The following FHOD3 variants were observed in gnomAD, a reference collection of about 807,000 sequenced individuals.
FHOD3 encodes the protein formin homology 2 domain containing 3.
FHOD3 carries 90 observed loss-of-function variants against 173.0 expected under a neutral mutation model. The ratio of observed to expected loss-of-function variants is 0.52; its 90% CI spans 0.44 to 0.62. The LOEUF (loss-of-function observed/expected upper bound fraction) is 0.62, where lower values mean the gene tolerates loss of function less well. Ranked by LOEUF, FHOD3 falls within the 20% of genes least tolerant of loss-of-function variation. The pLI, the probability that FHOD3 is intolerant of heterozygous loss-of-function variation, is 0.00. For missense variants in FHOD3, 1,945 were observed against 2,034.7 expected, an observed-to-expected ratio of 0.96 and a Z score of 0.85; for synonymous variants, 828 against 823.0, an observed-to-expected ratio of 1.01 and a Z score of -0.10.
At chr18:36,592,039 C>T (rs531190071) in intron 6 of FHOD3, among the ~76,000 whole-genome samples, 132 of 152,284 alleles carry the variant, frequency 8.7e-4, no homozygotes, top group African/African-American at 2.9e-3. Context: ...GCCAACATGG[C>T]AAAACACCTT....
intron 19 of FHOD3, among the ~76,000 whole-genome samples, chr18:36,718,973 G>C (rs1402977633): frequency 6.6e-6 from 1 of 152,160 alleles, no homozygotes; most frequent in Non-Finnish European, 1.5e-5. Context: ...AGATAGCCCT[G>C]AGGAAAAGAC....
chr18:36,698,836 T>C (rs561021), intron 17 of FHOD3, among the ~76,000 whole-genome samples: 104,447 of 152,112 alleles, frequency 0.69, 36,127 homozygotes, highest in African/African-American at 0.77. Flanking sequence ...TCCCCAAGCC[T>C]CAGTTCCCAC....
chr18:36,540,832 A>G (rs891481492), intron 5 of FHOD3, among the ~76,000 whole-genome samples: 15 of 152,178 alleles, frequency 9.9e-5, no homozygotes, highest in South Asian at 4.1e-4. Flanking sequence ...TCCCATTCAT[A>G]CTTACATTAG....
chr18:36,734,350 C>A (rs958738963), intron 20 of FHOD3, among the ~76,000 whole-genome samples: 1 of 152,200 alleles, frequency 6.6e-6, no homozygotes, highest in Non-Finnish European at 1.5e-5. Flanking sequence ...CATCCCTGGC[C>A]TCTACCCATT....
chr18:36,624,245 A>T (rs939340783), intron 9 of FHOD3, among the ~76,000 whole-genome samples: 5 of 152,176 alleles, frequency 3.3e-5, no homozygotes, highest in African/African-American at 1.2e-4. Flanking sequence ...TGCTTTACAC[A>T]AGTTACCTTT....
chr18:36,544,216 G>A lies in FHOD3; in HGVS notation c.511+31673G>A, dbSNP rs1006665311. 4.6e-5 allele frequency among the ~76,000 whole-genome samples: 7 copies of A among 152,308 alleles called. 1 individual carries two copies. Among genetic ancestry groups the A allele is most frequent in the Admixed American group, 4.6e-4 (7 of 15,306 alleles). On this transcript the variant is annotated intron_variant, in intron 5 of 28. Coordinates refer to ENST00000590592, the MANE Select transcript of FHOD3 (RefSeq NM_001281740.3). ...GGGCAGACTGCCTGGCAGGAGAGAT[G>A]CTCTCTGCAGAGTTAGTGCCGGGAG...
chr18:36,321,524 G>A (rs1398560313), intron 1 of FHOD3, among the ~76,000 whole-genome samples: 1 of 152,222 alleles, frequency 6.6e-6, no homozygotes, highest in Non-Finnish European at 1.5e-5. Context: ...GACTGCTGCT[G>A]ATCTTCGGTA....
intron 3 of FHOD3, among the ~76,000 whole-genome samples, chr18:36,446,407 G>A (rs79434442): frequency 1.4e-5 from 2 of 143,886 alleles, no homozygotes; most frequent in Non-Finnish European, 3.0e-5. Flanking sequence ...AAGCCTCTGC[G>A]GACTTTTTTT....
At chr18:36,366,352 C>T (rs147107756) in intron 2 of FHOD3, among the ~76,000 whole-genome samples, 22 of 152,084 alleles carry the variant, frequency 1.4e-4, no homozygotes, top group African/African-American at 4.3e-4. Flanking sequence ...ACAAATGGAA[C>T]GAGGGAGAGA....
intron 1 of FHOD3, among the ~76,000 whole-genome samples, chr18:36,337,871 G>T (rs1310838351): frequency 6.6e-6 from 1 of 152,156 alleles, no homozygotes; most frequent in Non-Finnish European, 1.5e-5. Context: ...GGGGCTTTCT[G>T]TTTGTTCTGG....
At chr18:36,451,213 A>G (rs2051823320) in intron 3 of FHOD3, among the ~76,000 whole-genome samples, 1 of 152,250 alleles carries the variant, frequency 6.6e-6, no homozygotes. Flanking sequence ...AAATCAATCT[A>G]ATGAACATTT....
At chr18:36,660,513 C>T (rs1315334131) in intron 14 of FHOD3, among the ~76,000 whole-genome samples, 1 of 152,238 alleles carries the variant, frequency 6.6e-6, no homozygotes, top group Non-Finnish European at 1.5e-5. Flanking sequence ...CAACATGGCA[C>T]TGGCTGTGGG....
intron 5 of FHOD3, among the ~76,000 whole-genome samples, chr18:36,536,518 C>T (rs2057000047): frequency 6.6e-6 from 1 of 152,250 alleles, no homozygotes; most frequent in South Asian, 2.1e-4. Context: ...GCTCTGCACA[C>T]AGCTCCCCTC....
At chr18:36,457,619 A>G (rs1037265118) in intron 3 of FHOD3, among the ~76,000 whole-genome samples, 9 of 151,432 alleles carry the variant, frequency 5.9e-5, no homozygotes, top group Non-Finnish European at 1.2e-4. Flanking sequence ...ATAAGAGTTG[A>G]CCAATCTTGC....
intron 5 of FHOD3, among the ~76,000 whole-genome samples, chr18:36,521,841 C>T (rs928259272): frequency 2.0e-5 from 3 of 152,140 alleles, no homozygotes; most frequent in African/African-American, 7.2e-5. Context: ...CCTCGTGTGT[C>T]GGTGCAGTCC....
intron 10 of FHOD3, among the ~76,000 whole-genome samples, chr18:36,645,370 A>G (rs2035609018): frequency 6.6e-6 from 1 of 152,186 alleles, no homozygotes; most frequent in South Asian, 2.1e-4. Context: ...CAGTGAACCA[A>G]GATGGTGAGA....
At chr18:36,509,471 A>G (rs1395721213) in intron 4 of FHOD3, among the ~76,000 whole-genome samples, 1 of 151,650 alleles carries the variant, frequency 6.6e-6, no homozygotes, top group African/African-American at 2.4e-5. Context: ...TATTTATGAG[A>G]CAGTTGGAAA....
In FHOD3 at chr18:36,658,139, A is replaced by C. The variant is rs1031496719; in HGVS notation, c.1786A>C (p.Thr596Pro). 2 of 1,592,930 alleles carry C rather than the reference A, an allele frequency of 1.3e-6. No individual in the cohort carries two copies. The highest frequency in any genetic ancestry group is 2.7e-5 in the African/African-American group (2 of 73,056). The part of the protein sequence containing the change: ...SRPSSGSSVP[T>P]TPTSSVSPPQ... ...ACCCTCATCTGGATCCAGTGTGCCC[A>C]CCACCCCCACATCATCCGTCTCACC... Residue 596 changes from threonine to proline, a missense_variant, in exon 14 of 29, where the codon ACC becomes CCC. Transcript: ENST00000590592.
intron 18 of FHOD3, 58 bp downstream of exon 18, chr18:36,709,449 C>T (rs1326975897): frequency 6.5e-7 from 1 of 1,545,960 alleles, no homozygotes; most frequent in South Asian, 1.2e-5. Flanking sequence ...GGTGCAGGGG[C>T]TGGTTCTCTA....
Sources: allele counts gnomAD v4.1 joint callset (sites outside exome capture counted in the v4.1 genomes callset), GRCh38; gene constraint gnomAD v4.1.1; transcripts MANE v1.5; gene names NCBI Gene and HGNC (gene_info 2026-07-23, HGNC 2026-07-21).